WDR6: variants seen among roughly 807,000 people sequenced by gnomAD.
WDR6 encodes the protein tRNA (34-2'-O)-methyltransferase regulator WDR6.
In WDR6, 58 loss-of-function variants were observed where a neutral mutation model predicts 85.6. The observed-to-expected ratio is 0.68, with a 90% CI of 0.55 to 0.84. The LOEUF (loss-of-function observed/expected upper bound fraction) is 0.84, where lower values mean the gene tolerates loss of function less well. WDR6 is among the 40% of genes least tolerant of loss of function. The probability of loss-of-function intolerance (pLI) is 0.00; values close to 1 mark genes in which losing one functional copy is unlikely to be tolerated. For missense variants in WDR6, 1,310 were observed against 1,476.4 expected, an observed-to-expected ratio of 0.89 and a Z score of 1.85; for synonymous variants, 569 against 582.2, an observed-to-expected ratio of 0.98 and a Z score of 0.33.
chr3:49,011,510 C>T (rs986347280), intron 1 of WDR6, 125 bp from the exon 2 acceptor site: 2 of 1,611,266 alleles, frequency 1.2e-6, no homozygotes, highest in African/African-American at 2.7e-5. Flanking sequence ...ATTCAAGCTG[C>T]AGGATTGTGT....
In WDR6 at chr3:49,015,479, A is replaced by G. The variant is rs2093050411; in HGVS notation, c.*191A>G. The G allele has an allele frequency of 7.1e-6, 11 of 1,542,206 alleles. No homozygotes were observed. Among genetic ancestry groups the G allele is most frequent in the African/African-American group, 1.4e-5 (1 of 73,096 alleles). On this transcript the variant is annotated 3_prime_UTR_variant, in exon 6 of 6. Coordinates refer to ENST00000608424, the MANE Select transcript of WDR6 (RefSeq NM_018031.6). Reference sequence around the variant, plus strand: ...AGAATATGCCCGACTCCCCATGACAAGACAGAACTTTGTAACAAACAGTAC... The same window carrying G: ...AGAATATGCCCGACTCCCCATGACAGGACAGAACTTTGTAACAAACAGTAC...
chr3:49,010,704 G>T (rs990296161), intron 1 of WDR6, among the ~76,000 whole-genome samples: 1 of 152,028 alleles, frequency 6.6e-6, no homozygotes. Flanking sequence ...CAAAAAATTA[G>T]CCGGGCATGG....
chr3:49,012,540 G>C lies in WDR6; in HGVS notation c.1006G>C (p.Gly336Arg). ...GGTAGGGCGTGGGTACCGGGGATTG[G>C]GGGTCTCGGCTCTCTGCTTCAAGTC... ...HLVGRGYRGLGVSALCFKSRS... is the reference protein window; with the variant it reads ...HLVGRGYRGLRVSALCFKSRS... Residue 336 changes from glycine to arginine, a missense_variant, in exon 2 of 6, where the codon GGG (glycine) becomes CGG (arginine). By Grantham distance (125) the Gly-to-Arg change is moderately radical. Transcript: ENST00000608424. The surrounding 1 kb of genome is among the most constrained non-coding windows in gnomAD (Gnocchi z 4.4). 6.2e-7 allele frequency: 1 copy of C among 1,614,046 alleles called. No individual in the cohort carries two copies. The highest frequency in any genetic ancestry group is 1.3e-5 in the African/African-American group (1 of 75,024).
Position 49,013,732 on chromosome 3 carries a change from G to A in WDR6, c.2198G>A (p.Gly733Asp), listed in dbSNP as rs1450381672. The A allele has an allele frequency of 1.9e-6, 3 of 1,614,072 alleles. No individual in the cohort carries two copies. The highest frequency in any genetic ancestry group is 2.7e-5 in the African/African-American group (2 of 75,018). ...SFMQPDDLEP[G>D]SEGPDLTDIV... is the part of the protein sequence containing the mutation. Reference sequence around the variant, plus strand: ...ATGCAGCCTGATGACCTGGAGCCTGGCAGTGAGGGGCCCGACTTGACTGAC... The same window carrying A: ...ATGCAGCCTGATGACCTGGAGCCTGACAGTGAGGGGCCCGACTTGACTGAC... Residue 733 changes from glycine (G) to aspartate (D), a missense_variant, in exon 2 of 6, where the codon GGC (glycine) becomes GAC (aspartate). Physicochemically the swap from Gly to Asp is moderately conservative, Grantham distance 94. Transcript: ENST00000608424. The surrounding 1 kb of genome is among the most constrained non-coding windows in gnomAD (Gnocchi z 4.6).
In WDR6 at chr3:49,013,828, A is replaced by C. The variant is rs773991867; in HGVS notation, c.2294A>C (p.His765Pro). The C allele has an allele frequency of 1.2e-6, 2 of 1,614,084 alleles. No individual in the cohort carries two copies. Among genetic ancestry groups the C allele is most frequent in the Admixed American group, 3.3e-5 (2 of 60,014 alleles). ...LALPTTTGSA[H>P]ALTAVCNHIS... ...CTCCCTACAACCACAGGCTCAGCCC[A>C]CGCACTCACAGCTGTTTGTAACCAT... Residue 765 changes from histidine to proline, a missense_variant, in exon 2 of 6, where the codon CAC (histidine) becomes CCC (proline). Coordinates refer to ENST00000608424, the MANE Select transcript of WDR6 (RefSeq NM_018031.6). This position sits in a 1 kb window ranked among gnomAD's most constrained non-coding sequence, Gnocchi z 4.6.
Position 49,014,647 on chromosome 3 carries a change from G to C in WDR6, c.2831G>C (p.Trp944Ser). 6.2e-7 allele frequency: 1 copy of C among 1,613,594 alleles called. No homozygotes were observed. Among genetic ancestry groups the C allele is most frequent in the Non-Finnish European group, 8.5e-7 (1 of 1,179,988 alleles). The change falls in exon 5 of 6, where the codon TGG becomes TCG. Residue 944 changes from tryptophan to serine, a missense_variant. Transcript: ENST00000608424. The surrounding 1 kb of genome is among the most constrained non-coding windows in gnomAD (Gnocchi z 4.9). ...GCTACTGATGGCAGCCTGGCTTTCT[G>C]GGATCTCACCACCATGCTAGACCAT... ...SAATDGSLAF[W>S]DLTTMLDHDS...
At chr3:49,011,426 G>A in intron 1 of WDR6, 1 of 1,438,992 alleles carries the variant, frequency 6.9e-7, no homozygotes, top group Non-Finnish European at 9.4e-7. Context: ...GACAGAGTCT[G>A]GCTTTGGCTT....
At chr3:49,011,070 G>C (rs541264336) in intron 1 of WDR6, 4 of 443,052 alleles carry the variant, frequency 9.0e-6, no homozygotes, top group South Asian at 3.3e-5. Flanking sequence ...TGAAAGTCCA[G>C]CTGAAGCTGA....
chr3:49,012,379 T>G lies in WDR6; in HGVS notation c.845T>G (p.Val282Gly). Reference sequence around the variant, plus strand: ...GCAGGAGAGGATTGTGTCTGCTTGGTGTGGAGCCATGAAGGTGAGATCCTC... The same window carrying G: ...GCAGGAGAGGATTGTGTCTGCTTGGGGTGGAGCCATGAAGGTGAGATCCTC... ...ISAGEDCVCLVWSHEGEILQA... is the reference protein window; with the variant it reads ...ISAGEDCVCLGWSHEGEILQA... The change falls in exon 2 of 6, where the codon GTG becomes GGG. Residue 282 changes from valine (V) to glycine (G), a missense_variant. By Grantham distance (109) the Val-to-Gly change is moderately radical. Transcript: ENST00000608424. The surrounding 1 kb of genome is among the most constrained non-coding windows in gnomAD (Gnocchi z 4.4). The G allele has an allele frequency of 6.2e-7, 1 of 1,614,052 alleles. No individual in the cohort carries two copies. The highest frequency in any genetic ancestry group is 8.5e-7 in the Non-Finnish European group (1 of 1,180,012).
intron 1 of WDR6, among the ~76,000 whole-genome samples, chr3:49,010,070 A>T (rs1015575954): frequency 6.7e-6 from 1 of 148,784 alleles, no homozygotes; most frequent in African/African-American, 2.5e-5. Context: ...GGTGAGGAGG[A>T]GGCTCTGAGT....
At position 49,014,609 on chromosome 3, in the gene WDR6, C is replaced by T; in HGVS notation, c.2793C>T (p.Leu931=). The T allele has an allele frequency of 6.2e-7, 1 of 1,613,672 alleles. No homozygotes were observed. The highest frequency in any genetic ancestry group is 8.5e-7 in the Non-Finnish European group (1 of 1,179,980). The change falls in exon 5 of 6, where the codon CTC becomes CTT. Residue 931 remains leucine (L), a synonymous_variant. Transcript: ENST00000608424. This position sits in a 1 kb window ranked among gnomAD's most constrained non-coding sequence, Gnocchi z 4.9. ...TTTTCCTGGCTCTCAGGAGGCTCCTCCTGTGCAGCGCAGCTACTGATGGCA... is the reference window on the plus strand; with the variant it reads ...TTTTCCTGGCTCTCAGGAGGCTCCTTCTGTGCAGCGCAGCTACTGATGGCA... ...HEAPNQRRRL[L]LCSAATDGSL...
rs781393149 is a variant in WDR6 at position 49,015,631 on chromosome 3, G to T, written c.*343G>T. 3 of 1,614,178 alleles carry T rather than the reference G, an allele frequency of 1.9e-6. No homozygotes were observed. Among genetic ancestry groups the T allele is most frequent in the Non-Finnish European group, 2.5e-6 (3 of 1,180,030 alleles). ...AGGGAGACCCAGCATAGCCAGGCCAGTATGGAGCACCTCACGCACAGCTCT... is the reference window on the plus strand; with the variant it reads ...AGGGAGACCCAGCATAGCCAGGCCATTATGGAGCACCTCACGCACAGCTCT... On this transcript the variant is annotated 3_prime_UTR_variant, in exon 6 of 6. Coordinates refer to ENST00000608424, the MANE Select transcript of WDR6 (RefSeq NM_018031.6).
chr3:49,013,554 C>G lies in WDR6; in HGVS notation c.2020C>G (p.Leu674Val). The G allele has an allele frequency of 6.2e-7, 1 of 1,614,048 alleles. No homozygotes were observed. Among genetic ancestry groups the G allele is most frequent in the African/African-American group, 1.3e-5 (1 of 74,998 alleles). ...TGAGGCGGCCATGGCCTTTGCTTAC[C>G]TCAAGGATGGGGATGTCATGCTGTA... ...DTEAAMAFAY[L>V]KDGDVMLYRA... is the part of the protein sequence containing the mutation. The change falls in exon 2 of 6, where the codon CTC (leucine) becomes GTC (valine). Residue 674 changes from leucine (L) to valine (V), a missense_variant. By Grantham distance (32) the Leu-to-Val change is conservative (BLOSUM62 1). Coordinates refer to ENST00000608424, the MANE Select transcript of WDR6 (RefSeq NM_018031.6). This position sits in a 1 kb window ranked among gnomAD's most constrained non-coding sequence, Gnocchi z 4.6.
At position 49,013,994 on chromosome 3, in the gene WDR6, G is replaced by T. The variant is rs539982627; in HGVS notation, c.2460G>T (p.Pro820=). ...ACTGCTTCAGCATCATGGTTACTCC[G>T]GACCCCAGCACCCCAAGCCGCCTCG... is the stretch of plus-strand genomic sequence containing the variant. The part of the protein sequence containing the change: ...EMHCFSIMVT[P]DPSTPSRLAC... Residue 820 remains proline, a synonymous_variant, in exon 2 of 6, where the codon CCG becomes CCT. Coordinates refer to ENST00000608424, the MANE Select transcript of WDR6 (RefSeq NM_018031.6). This position sits in a 1 kb window ranked among gnomAD's most constrained non-coding sequence, Gnocchi z 4.6. The T allele has an allele frequency of 3.7e-6, 6 of 1,611,526 alleles. No homozygotes were observed. Among genetic ancestry groups the T allele is most frequent in the Non-Finnish European group, 5.1e-6 (6 of 1,179,994 alleles).
Position 49,015,671 on chromosome 3 carries a change from G to A in WDR6, c.*383G>A, listed in dbSNP as rs140081609. 14 of 1,613,950 alleles carry A rather than the reference G, an allele frequency of 8.7e-6. No homozygotes were observed. Among genetic ancestry groups the A allele is most frequent in the Admixed American group, 5.0e-5 (3 of 59,990 alleles). On this transcript the variant is annotated 3_prime_UTR_variant, in exon 6 of 6. Transcript: ENST00000608424. ...CGCACAGCTCTCAGAAGCTGCAGGC[G>A]GACGAACATCTGACCAAAGAGGTGT...
At chr3:49,009,736 T>C (rs1251316864) in intron 1 of WDR6, among the ~76,000 whole-genome samples, 1 of 151,930 alleles carries the variant, frequency 6.6e-6, no homozygotes, top group Non-Finnish European at 1.5e-5. Flanking sequence ...ATTTTACTTT[T>C]TTTTTTTTTG....
Position 49,013,684 on chromosome 3 carries a change from CTGAATA to C in WDR6, c.2153_2158del (p.Glu718_Tyr719del), listed in dbSNP as rs757542050. ...CGTGTGGGCACCATTACCCTGGGGC[CTGAATA>C]TGGAGTGCCCAGCTTCATGCAGCCT... On this transcript the variant is annotated inframe_deletion, in exon 2 of 6. Coordinates refer to ENST00000608424, the MANE Select transcript of WDR6 (RefSeq NM_018031.6). This position sits in a 1 kb window ranked among gnomAD's most constrained non-coding sequence, Gnocchi z 4.6. 1.2e-6 allele frequency: 2 copies of C among 1,613,990 alleles called. No individual in the cohort carries two copies. The highest frequency in any genetic ancestry group is 2.7e-5 in the African/African-American group (2 of 74,882).
At chr3:49,010,588 C>T (rs1421776102) in intron 1 of WDR6, among the ~76,000 whole-genome samples, 5 of 151,896 alleles carry the variant, frequency 3.3e-5, no homozygotes, top group African/African-American at 9.7e-5. Context: ...TGGTGGCTCA[C>T]GCCTATAATC....
At position 49,014,055 on chromosome 3, in the gene WDR6, G is replaced by T; in HGVS notation, c.2521G>T (p.Asp841Tyr). 6.2e-7 allele frequency: 1 copy of T among 1,613,056 alleles called. No homozygotes were observed. The highest frequency in any genetic ancestry group is 8.5e-7 in the Non-Finnish European group (1 of 1,180,018). The change falls in exon 2 of 6, where the codon GAT (aspartate) becomes TAT (tyrosine). Residue 841 changes from aspartate (D) to tyrosine (Y), a missense_variant. Coordinates refer to ENST00000608424, the MANE Select transcript of WDR6 (RefSeq NM_018031.6). The surrounding 1 kb of genome is among the most constrained non-coding windows in gnomAD (Gnocchi z 4.9). ...CATGCACCTTTCGTCCCACCGGCTA[G>T]ATGAGTATTGGGACCGGCAACGCAA... ...HVMHLSSHRL[D>Y]EYWDRQRNRH... is the part of the protein sequence containing the mutation.
Sources: gnomAD v4.1 joint callset for allele counts (sites outside exome capture counted in the v4.1 genomes callset) on GRCh38, gnomAD v4.1.1 for gene constraint, Gnocchi (gnomAD v3.1) non-coding constraint, MANE v1.5 for transcripts, NCBI Gene and HGNC (gene_info 2026-07-23, HGNC 2026-07-21) for gene names.